Variants in TRHDE observed in about 807,000 individuals in gnomAD.
The protein encoded by TRHDE is thyrotropin releasing hormone degrading enzyme, also known as thyrotropin-releasing hormone-degrading ectoenzyme.
Under a neutral mutation model 125.7 loss-of-function variants are expected in TRHDE, and 72 were observed. The ratio of observed to expected loss-of-function variants is 0.57; its 90% confidence interval spans 0.47 to 0.70. The LOEUF is 0.70. Among genes scored for constraint, TRHDE ranks in the 30% least tolerant of loss-of-function variants. TRHDE has a pLI of 0.00. For synonymous variants in TRHDE, 509 were observed against 509.1 expected, an observed-to-expected ratio of 1.00 and a Z score of 0.00; for missense variants, 1,110 against 1,327.1, an observed-to-expected ratio of 0.84 and a Z score of 2.54.
chr12:72,551,511 C>T (rs2135997948), intron 7 of TRHDE, among the ~76,000 whole-genome samples: 1 of 152,178 alleles, frequency 6.6e-6, no homozygotes, highest in Middle Eastern at 3.4e-3. Flanking sequence ...GCTAACAAAA[C>T]AAAATTATAA....
chr12:72,180,949 GTC>G (rs1877085132), intron 2 of TRHDE, among the ~76,000 whole-genome samples: 1 of 152,104 alleles, frequency 6.6e-6, no homozygotes, highest in African/African-American at 2.4e-5. Flanking sequence ...CTTTATTTAG[GTC>G]TCTTTATTAT....
chr12:72,097,037 C>G (rs1384199919), intron 1 of TRHDE, among the ~76,000 whole-genome samples: 1 of 152,218 alleles, frequency 6.6e-6, no homozygotes, highest in Non-Finnish European at 1.5e-5. Flanking sequence ...TAGCTTACTA[C>G]TGGATCATAT....
chr12:72,320,506 A>G (rs999318341), intron 2 of TRHDE, among the ~76,000 whole-genome samples: 2 of 150,762 alleles, frequency 1.3e-5, no homozygotes, highest in Non-Finnish European at 3.0e-5. Context: ...TGTTGGTTGA[A>G]TCTTCAGATG....
intron 3 of TRHDE, 152 bp downstream of exon 3, chr12:72,378,273 T>C: frequency 1.5e-6 from 1 of 685,554 alleles, no homozygotes. Flanking sequence ...TTTGAAGAGG[T>C]AAAATAAGAT....
intron 3 of TRHDE, among the ~76,000 whole-genome samples, chr12:72,448,684 A>G (rs186861539): frequency 6.6e-6 from 1 of 152,132 alleles, no homozygotes; most frequent in East Asian, 1.9e-4. Context: ...GTCTTAGAGT[A>G]TGTAAAATGC....
intron 2 of TRHDE, among the ~76,000 whole-genome samples, chr12:72,198,983 AAC>A (rs1877500191): frequency 1.3e-5 from 2 of 152,050 alleles, no homozygotes; most frequent in African/African-American, 4.8e-5. Context: ...ATGAGGCAGG[AAC>A]TGCCACACAC....
At chr12:72,660,850 A>T (rs985101480) in intron 18 of TRHDE, among the ~76,000 whole-genome samples, 1 of 152,150 alleles carries the variant, frequency 6.6e-6, no homozygotes, top group African/African-American at 2.4e-5. Flanking sequence ...AAATAAGCAA[A>T]CTAGAATGCT....
chr12:72,609,189 T>C (rs1375094301), intron 12 of TRHDE, among the ~76,000 whole-genome samples: 5 of 152,180 alleles, frequency 3.3e-5, no homozygotes, highest in African/African-American at 1.2e-4. Flanking sequence ...AAGAAACACA[T>C]GTTTAGCTTA....
At chr12:72,299,586 G>A (rs1880429231) in intron 2 of TRHDE, among the ~76,000 whole-genome samples, 1 of 152,076 alleles carries the variant, frequency 6.6e-6, no homozygotes, top group Admixed American at 6.6e-5. Flanking sequence ...TGAAATATTG[G>A]GAAAATCTGT....
intron 5 of TRHDE, among the ~76,000 whole-genome samples, chr12:72,477,367 A>T (rs1876948227): frequency 6.6e-6 from 1 of 152,186 alleles, no homozygotes; most frequent in African/African-American, 2.4e-5. Context: ...CACCAAATAA[A>T]TTCTTATCTA....
chr12:72,502,448 A>C (rs1347719743), intron 6 of TRHDE, among the ~76,000 whole-genome samples: 1 of 152,122 alleles, frequency 6.6e-6, no homozygotes, highest in African/African-American at 2.4e-5. Flanking sequence ...GATTACAAAT[A>C]TTAGAAGATT....
At chr12:72,307,249 C>A (rs974923244) in intron 2 of TRHDE, among the ~76,000 whole-genome samples, 9 of 152,078 alleles carry the variant, frequency 5.9e-5, no homozygotes, top group Non-Finnish European at 1.0e-4. Flanking sequence ...AAACCTGAAA[C>A]CTCTGCCTCC....
chr12:72,487,855 G>A (rs1385198554), intron 5 of TRHDE, among the ~76,000 whole-genome samples: 2 of 152,078 alleles, frequency 1.3e-5, no homozygotes, highest in Non-Finnish European at 2.9e-5. Context: ...TATAAAAGAT[G>A]TAAATTGTGA....
intron 2 of TRHDE, among the ~76,000 whole-genome samples, 193 bp downstream of exon 2, chr12:72,287,147 C>A (rs1373732748): frequency 6.6e-6 from 1 of 151,926 alleles, no homozygotes; most frequent in African/African-American, 2.4e-5. Context: ...GTCTTCTATA[C>A]CCAGCACTCT....
At chr12:72,121,320 A>G (rs1247762750) in intron 2 of TRHDE, among the ~76,000 whole-genome samples, 1 of 152,076 alleles carries the variant, frequency 6.6e-6, no homozygotes, top group Non-Finnish European at 1.5e-5. Context: ...GGCCTAGACA[A>G]CCTTTCAGGT....
Position 72,346,332 on chromosome 12 carries a change from C to T in TRHDE, c.1189-31663C>T, listed in dbSNP as rs17111067. ...GAGGGTAGAGACCTTTACTCAGGTC[C>T]GTCATTAATGGGCATGCAAGCTGTC... On this transcript the variant is annotated intron_variant, in intron 2 of 18. Coordinates refer to ENST00000261180, the MANE Select transcript of TRHDE (RefSeq NM_013381.3). 6.0e-3 allele frequency among the ~76,000 whole-genome samples: 913 copies of T among 152,028 alleles called. 5 individuals carry two copies. Among genetic ancestry groups the T allele is most frequent in the African/African-American group, 0.019 (783 of 41,488 alleles).
chr12:72,549,696 T>C (rs978376778), intron 7 of TRHDE, among the ~76,000 whole-genome samples: 13 of 151,854 alleles, frequency 8.6e-5, no homozygotes, highest in Admixed American at 2.6e-4. Flanking sequence ...TTAATGAGCA[T>C]GTTATAGAGA....
At chr12:72,096,229 T>C (rs984004159) in intron 1 of TRHDE, among the ~76,000 whole-genome samples, 1 of 152,122 alleles carries the variant, frequency 6.6e-6, no homozygotes, top group Non-Finnish European at 1.5e-5. Flanking sequence ...AATATTTGTT[T>C]CTCTAATCCA....
chr12:72,238,201 A>C (rs1878373589), intron 2 of TRHDE, among the ~76,000 whole-genome samples: 1 of 144,422 alleles, frequency 6.9e-6, no homozygotes, highest in Non-Finnish European at 1.5e-5. Flanking sequence ...GTAATAAGTT[A>C]GGTGAGAAAA....
Sources: allele counts gnomAD v4.1 joint callset (sites outside exome capture counted in the v4.1 genomes callset), GRCh38; gene constraint gnomAD v4.1.1; transcripts MANE v1.5; gene names NCBI Gene and HGNC (gene_info 2026-07-23, HGNC 2026-07-21).